OXR1: variants seen among roughly 807,000 people sequenced by gnomAD.
OXR1 encodes oxidation resistance 1.
A neutral mutation model predicts 104.6 loss-of-function variants in OXR1; 41 were observed. That is an observed-to-expected ratio of 0.39 (90% confidence interval 0.31 to 0.51). The LOEUF (loss-of-function observed/expected upper bound fraction) is 0.51, where lower values mean the gene tolerates loss of function less well. Among genes scored for constraint, OXR1 ranks in the 20% least tolerant of loss-of-function variants. The pLI is 0.77. For missense variants in OXR1, 955 were observed against 1,031.9 expected (o/e 0.93, Z 1.02); for synonymous variants, 348 against 348.4 (o/e 1.00, Z 0.01).
intron 2 of OXR1, among the ~76,000 whole-genome samples, chr8:106,415,602 G>GAGAGA (rs1818643578): frequency 3.1e-5 from 3 of 98,192 alleles, no homozygotes; most frequent in Non-Finnish European, 5.9e-5. Context: ...AGACAGAGAG[G>GAGAGA]GAATTGCTTC....
At chr8:106,630,506 G>A (rs956397572) in intron 3 of OXR1, among the ~76,000 whole-genome samples, 2 of 152,134 alleles carry the variant, frequency 1.3e-5, no homozygotes, top group African/African-American at 4.8e-5. Flanking sequence ...TTTTATTTTT[G>A]TGTTTTATTA....
At chr8:106,325,138 G>T (rs974060134) in intron 1 of OXR1, among the ~76,000 whole-genome samples, 14 of 152,276 alleles carry the variant, frequency 9.2e-5, no homozygotes, top group African/African-American at 1.2e-4. Flanking sequence ...CTCTTGGGAA[G>T]AATTTTTTAT....
At chr8:106,447,969 A>G in intron 2 of OXR1, 1 of 1,535,350 alleles carries the variant, frequency 6.5e-7, no homozygotes, top group Non-Finnish European at 8.7e-7. Flanking sequence ...AACTCTGATC[A>G]GATCCGCCCC....
At chr8:106,447,393 G>C (rs1820054051) in intron 2 of OXR1, among the ~76,000 whole-genome samples, 1 of 152,172 alleles carries the variant, frequency 6.6e-6, no homozygotes, top group Admixed American at 6.5e-5. Flanking sequence ...CAGTGTCTGG[G>C]TTCTTACAGG....
rs138995742 is a variant in OXR1, at chr8:106,545,006, G to A, written c.220+25867G>A. ...AGACTTTTTTAAACTTGGCACTAAC[G>A]TCATTTTGGGCCATAGAATTATTTG... On this transcript the variant is annotated intron_variant, in intron 3 of 16. Coordinates refer to ENST00000517566, the MANE Select transcript of OXR1 (RefSeq NM_001198533.2). 7.6e-4 allele frequency among the ~76,000 whole-genome samples: 115 copies of A among 152,136 alleles called. 1 individual carries two copies. Among genetic ancestry groups the A allele is most frequent in the Non-Finnish European group, 9.1e-4 (62 of 68,000 alleles).
chr8:106,349,183 A>T (rs986421914), intron 1 of OXR1, among the ~76,000 whole-genome samples: 1 of 152,124 alleles, frequency 6.6e-6, no homozygotes, highest in South Asian at 2.1e-4. Flanking sequence ...TGATTTTTTG[A>T]TTATTAGGTT....
intron 3 of OXR1, among the ~76,000 whole-genome samples, chr8:106,647,206 T>TGAAA (rs1178828536): frequency 1.3e-5 from 2 of 152,344 alleles, no homozygotes; most frequent in Non-Finnish European, 2.9e-5. Flanking sequence ...TTTTCAGAAT[T>TGAAA]GAAAGAAAAT....
At chr8:106,433,856 G>A (rs28620840) in intron 2 of OXR1, among the ~76,000 whole-genome samples, 33 of 151,962 alleles carry the variant, frequency 2.2e-4, no homozygotes, top group African/African-American at 6.0e-4. Context: ...AGGAACATTC[G>A]TTTAAAGATA....
intron 2 of OXR1, among the ~76,000 whole-genome samples, chr8:106,503,976 A>G (rs73699517): frequency 1.1e-3 from 169 of 152,332 alleles, no homozygotes; most frequent in African/African-American, 3.9e-3. Context: ...AGGAGAAGAC[A>G]AAGAACTCCT....
chr8:106,363,089 A>G (rs187164133), intron 2 of OXR1, among the ~76,000 whole-genome samples: 1 of 152,246 alleles, frequency 6.6e-6, no homozygotes, highest in Admixed American at 6.5e-5. Context: ...TTCTAGAGCC[A>G]TGTATGGGAG....
At chr8:106,527,003 A>G (rs929627234) in intron 3 of OXR1, among the ~76,000 whole-genome samples, 2 of 152,208 alleles carry the variant, frequency 1.3e-5, no homozygotes, top group African/African-American at 4.8e-5. Flanking sequence ...AAGGCAGGTG[A>G]ATCAATGGTG....
chr8:106,618,031 C>G, intron 3 of OXR1: 2 of 1,517,208 alleles, frequency 1.3e-6, no homozygotes, highest in Non-Finnish European at 8.8e-7. Context: ...AGGGACCGGG[C>G]GGGAGGAGAA....
chr8:106,689,642 C>G lies in OXR1; in HGVS notation c.526-3086C>G, dbSNP rs1427786916. ...TCTAATTCTAGTCAAGTAAGATTTT[C>G]TAAGAGATGTTTAGTTAATTTTCTT... On this transcript the variant is annotated intron_variant, in intron 6 of 16. Coordinates refer to ENST00000517566, the MANE Select transcript of OXR1 (RefSeq NM_001198533.2). Among the ~76,000 whole-genome samples the G allele has an allele frequency of 2.0e-5, 3 of 151,828 alleles. No individual in the cohort carries two copies. In the South Asian group the frequency reaches 6.2e-4, roughly 32 times the overall value.
At chr8:106,286,138 T>C (rs1266406836) in intron 1 of OXR1, among the ~76,000 whole-genome samples, 1 of 152,174 alleles carries the variant, frequency 6.6e-6, no homozygotes, top group Non-Finnish European at 1.5e-5. Context: ...ACATGCTGTC[T>C]TTCTCATGGA....
chr8:106,718,156 A>G lies in OXR1; in HGVS notation c.1956+4171A>G, dbSNP rs185638386. Among the ~76,000 whole-genome samples the G allele has an allele frequency of 2.9e-3, 439 of 152,290 alleles. 2 individuals are homozygous for G. Among genetic ancestry groups the G allele is most frequent in the Non-Finnish European group, 4.1e-3 (282 of 68,016 alleles). On this transcript the variant is annotated intron_variant, in intron 11 of 16. Transcript: ENST00000517566. ...CAGAATTATTTTTTCCAGTACTTCA[A>G]CTGTTTAACTTTATGAACTCTATTC...
intron 1 of OXR1, among the ~76,000 whole-genome samples, chr8:106,324,397 A>G (rs920385008): frequency 6.6e-6 from 1 of 152,108 alleles, no homozygotes; most frequent in Non-Finnish European, 1.5e-5. Context: ...AGCAGAAAAG[A>G]TAGCTATTGG....
chr8:106,415,978 A>G (rs1818662004), intron 2 of OXR1, among the ~76,000 whole-genome samples: 1 of 152,112 alleles, frequency 6.6e-6, no homozygotes, highest in Non-Finnish European at 1.5e-5. Context: ...ACAAGTCTTG[A>G]GAATATCCTA....
chr8:106,427,523 T>A (rs1292170326), intron 2 of OXR1, among the ~76,000 whole-genome samples: 2 of 152,194 alleles, frequency 1.3e-5, no homozygotes, highest in African/African-American at 2.4e-5. Context: ...GGGGCGTCAC[T>A]GTACATTGTC....
In OXR1 at chr8:106,307,562, CTT is replaced by C. The variant is rs112962592; in HGVS notation, c.-139+37204_-139+37205del. ...CACTGGCCTAAGGGATTTTTTTGTC[CTT>C]TTTTTTTTGTTGTTCTGTTTTAATC... On this transcript the variant is annotated intron_variant, in intron 1 of 16. Transcript: ENST00000517566. 1.2e-4 allele frequency among the ~76,000 whole-genome samples: 18 copies of C among 147,416 alleles called. No individual in the cohort carries two copies. The East Asian group carries it at 3.6e-3, about 29-fold the overall frequency.
Sources: gnomAD v4.1 joint callset for allele counts (sites outside exome capture counted in the v4.1 genomes callset) on GRCh38, gnomAD v4.1.1 for gene constraint, MANE v1.5 for transcripts, NCBI Gene and HGNC (gene_info 2026-07-23, HGNC 2026-07-21) for gene names.